SIRPA: variants seen among roughly 807,000 people sequenced by gnomAD.
SIRPA encodes tyrosine-protein phosphatase non-receptor type substrate 1.
A neutral mutation model predicts 50.3 loss-of-function variants in SIRPA; 9 were observed. The observed-to-expected ratio is 0.18, with a 90% CI of 0.11 to 0.31. The LOEUF is 0.31. Ranked by LOEUF, SIRPA falls within the 10% of genes least tolerant of loss-of-function variation. The probability of loss-of-function intolerance (pLI) is 1.00; values close to 1 mark genes in which losing one functional copy is unlikely to be tolerated. For synonymous variants in SIRPA, 265 were observed against 284.1 expected (o/e 0.93, Z 0.68); for missense variants, 474 against 661.6 (o/e 0.72, Z 3.11).
At chr20:1,913,864 C>A (rs1985053830) in intron 1 of SIRPA, among the ~76,000 whole-genome samples, 1 of 152,142 alleles carries the variant, frequency 6.6e-6, no homozygotes, top group Non-Finnish European at 1.5e-5. Flanking sequence ...CTGCCCTCTT[C>A]CTGTCTGGGC....
At chr20:1,909,852 A>G (rs1984783704) in intron 1 of SIRPA, among the ~76,000 whole-genome samples, 1 of 152,248 alleles carries the variant, frequency 6.6e-6, no homozygotes, top group South Asian at 2.1e-4. Flanking sequence ...TTTAATCTCA[A>G]AAGCCACACA....
intron 1 of SIRPA, among the ~76,000 whole-genome samples, chr20:1,896,007 T>C (rs1402504258): frequency 6.6e-6 from 1 of 152,190 alleles, no homozygotes. Context: ...CTGTTGCAAT[T>C]AGGGAAGAGT....
At position 1,939,948 on chromosome 20, in the gene SIRPA, C is replaced by G. The variant is rs6045560; in HGVS notation, c.*2380C>G. Reference sequence around the variant, plus strand: ...TTGTGAGTGCGTCCCGGGGCCGCCTCGGGGCCTGCCTGCCCTCCTGCCAAA... The same window carrying G: ...TTGTGAGTGCGTCCCGGGGCCGCCTGGGGGCCTGCCTGCCCTCCTGCCAAA... On this transcript the variant is annotated 3_prime_UTR_variant, in exon 8 of 8. Transcript: ENST00000358771. The surrounding 1 kb of genome is among the most constrained non-coding windows in gnomAD (Gnocchi z 4.7). 1.3e-5 allele frequency: 2 copies of G among 152,606 alleles called. No homozygotes were observed. The highest frequency in any genetic ancestry group is 3.9e-4 in the East Asian group (2 of 5,180). 9.5% of individuals were successfully genotyped at this position (152,606 alleles called of 1,614,324 possible).
intron 1 of SIRPA, among the ~76,000 whole-genome samples, chr20:1,904,701 T>C (rs1341532256): frequency 6.6e-6 from 1 of 152,188 alleles, no homozygotes; most frequent in Non-Finnish European, 1.5e-5. Context: ...GCTCCATCTT[T>C]TGCCAGCGGG....
intron 3 of SIRPA, 127 bp downstream of exon 3, chr20:1,921,839 C>G: frequency 1.3e-6 from 1 of 789,152 alleles, no homozygotes; most frequent in South Asian, 1.7e-5. Flanking sequence ...TCCTAACTGC[C>G]CACCTCCCAT....
chr20:1,922,373 C>T lies in SIRPA; in HGVS notation c.815C>T (p.Thr272Ile), dbSNP rs1985713633. ...PVRAENQVNVTCQVRKFYPQR... is the reference protein window; with the variant it reads ...PVRAENQVNVICQVRKFYPQR... Reference sequence around the variant, plus strand: ...AGGGCAGAGAACCAGGTGAATGTCACCTGCCAGGTGAGGAAGTTCTACCCC... The same window carrying T: ...AGGGCAGAGAACCAGGTGAATGTCATCTGCCAGGTGAGGAAGTTCTACCCC... The change falls in exon 4 of 8, where the codon ACC (threonine) becomes ATC (isoleucine). Residue 272 changes from threonine to isoleucine, a missense_variant. By Grantham distance (89) the Thr-to-Ile change is moderately conservative. Transcript: ENST00000358771. 7 of 1,614,114 alleles carry T rather than the reference C, an allele frequency of 4.3e-6. No individual in the cohort carries two copies. Among genetic ancestry groups the T allele is most frequent in the East Asian group, 2.2e-5 (1 of 44,894 alleles).
chr20:1,925,681 A>G (rs1218078911), intron 5 of SIRPA, among the ~76,000 whole-genome samples: 1 of 152,206 alleles, frequency 6.6e-6, no homozygotes, highest in Non-Finnish European at 1.5e-5. Context: ...TTTGGCCTCT[A>G]CAAGCCTCAG....
intron 1 of SIRPA, among the ~76,000 whole-genome samples, chr20:1,904,622 C>T (rs150669206): frequency 6.6e-6 from 1 of 152,132 alleles, no homozygotes; most frequent in African/African-American, 2.4e-5. Context: ...TGGGCAGCGT[C>T]GATGCTTATT....
Position 1,921,452 on chromosome 20 carries a change from C to T in SIRPA, c.494C>T (p.Thr165Ile). The T allele has an allele frequency of 6.2e-7, 1 of 1,613,886 alleles. No individual in the cohort carries two copies. Among genetic ancestry groups the T allele is most frequent in the South Asian group, 1.1e-5 (1 of 91,070 alleles). Residue 165 changes from threonine to isoleucine, a missense_variant, in exon 3 of 8, where the codon ACA becomes ATA. Physicochemically the swap from Thr to Ile is moderately conservative, Grantham distance 89. Transcript: ENST00000358771. ...GPAARATPQH[T>I]VSFTCESHGF... ...GCGGCGAGGGCCACACCTCAGCACA[C>T]AGTGAGCTTCACCTGCGAGTCCCAC...
In SIRPA at chr20:1,898,829, C is replaced by G. The variant is rs963829746; in HGVS notation, c.79+3303C>G. Among the ~76,000 whole-genome samples, 1 of 152,052 alleles carries G rather than the reference C, an allele frequency of 6.6e-6. No individual in the cohort carries two copies. The highest frequency in any genetic ancestry group is 2.4e-5 in the African/African-American group (1 of 41,406). Reference sequence around the variant, plus strand: ...CTGAGGGTGGAAATACTGACAGCCCCTTGGTCCTCACCAGTAACAACACAT... The same window carrying G: ...CTGAGGGTGGAAATACTGACAGCCCGTTGGTCCTCACCAGTAACAACACAT... On this transcript the variant is annotated intron_variant, in intron 1 of 7. Transcript: ENST00000358771. The surrounding 1 kb of genome is among the most constrained non-coding windows in gnomAD (Gnocchi z 4.3).
chr20:1,927,136 C>T lies in SIRPA; in HGVS notation c.1202-739C>T, dbSNP rs1016229484. Among the ~76,000 whole-genome samples, 2 of 152,266 alleles carry T rather than the reference C, an allele frequency of 1.3e-5. No individual in the cohort carries two copies. Among genetic ancestry groups the T allele is most frequent in the Non-Finnish European group, 2.9e-5 (2 of 68,044 alleles). On this transcript the variant is annotated intron_variant, in intron 5 of 7. Coordinates refer to ENST00000358771, the MANE Select transcript of SIRPA (RefSeq NM_001040023.2). This position sits in a 1 kb window ranked among gnomAD's most constrained non-coding sequence, Gnocchi z 6.5. Reference sequence around the variant, plus strand: ...AAGCGTTAACCCAGCAGCAAGAATTCTTGCACTGTGGCAGCCTCCAGCCTA... The same window carrying T: ...AAGCGTTAACCCAGCAGCAAGAATTTTTGCACTGTGGCAGCCTCCAGCCTA...
intron 1 of SIRPA, among the ~76,000 whole-genome samples, chr20:1,913,411 G>A (rs1985023287): frequency 6.6e-6 from 1 of 152,204 alleles, no homozygotes; most frequent in African/African-American, 2.4e-5. Context: ...GTGGGGTGGT[G>A]CCAGGCCATG....
At position 1,937,556 on chromosome 20, in the gene SIRPA, C is replaced by T. The variant is rs1273596953; in HGVS notation, c.1503C>T (p.Val501=). The part of the protein sequence containing the change: ...PSFSEYASVQ[V]PRK Reference sequence around the variant, plus strand: ...TCTCAGAGTACGCCAGCGTCCAGGTCCCGAGGAAGTGAATGGGACCGTGGT... The same window carrying T: ...TCTCAGAGTACGCCAGCGTCCAGGTTCCGAGGAAGTGAATGGGACCGTGGT... Residue 501 remains valine (V), a synonymous_variant, in exon 8 of 8, where the codon GTC becomes GTT. Coordinates refer to ENST00000358771, the MANE Select transcript of SIRPA (RefSeq NM_001040023.2). The surrounding 1 kb of genome is among the most constrained non-coding windows in gnomAD (Gnocchi z 8.3). The T allele has an allele frequency of 1.2e-6, 2 of 1,613,970 alleles. No homozygotes were observed. Among genetic ancestry groups the T allele is most frequent in the African/African-American group, 2.7e-5 (2 of 74,912 alleles).
At chr20:1,920,252 A>T (rs1023306637) in intron 2 of SIRPA, among the ~76,000 whole-genome samples, 1 of 152,208 alleles carries the variant, frequency 6.6e-6, no homozygotes, top group Non-Finnish European at 1.5e-5. Flanking sequence ...CCCTGTGGGG[A>T]CATCCAGGCC....
chr20:1,920,131 C>A (rs567742284), intron 2 of SIRPA, among the ~76,000 whole-genome samples: 4 of 152,312 alleles, frequency 2.6e-5, no homozygotes, highest in African/African-American at 9.6e-5. Flanking sequence ...ACACGAGGAT[C>A]CCCTCACAGA....
chr20:1,895,766 C>G (rs547472341), intron 1 of SIRPA, among the ~76,000 whole-genome samples: 3 of 152,234 alleles, frequency 2.0e-5, no homozygotes, highest in African/African-American at 7.2e-5. Flanking sequence ...GACTCTGACT[C>G]TGTGCACTGT....
intron 2 of SIRPA, among the ~76,000 whole-genome samples, chr20:1,919,006 T>G (rs1038660666): frequency 1.3e-5 from 2 of 152,040 alleles, no homozygotes; most frequent in African/African-American, 4.8e-5. Flanking sequence ...AGACCAGGAG[T>G]TGGGACCGAA....
rs1217166986 is a variant in SIRPA, at chr20:1,898,251, C to T, written c.79+2725C>T. On this transcript the variant is annotated intron_variant, in intron 1 of 7. Transcript: ENST00000358771. The surrounding 1 kb of genome is among the most constrained non-coding windows in gnomAD (Gnocchi z 4.3). ...GTAAAGTTAATCTCACTTCCTCTTTCGTAAGAAGAGAAAACGGGGCGGGAG... is the reference window on the plus strand; with the variant it reads ...GTAAAGTTAATCTCACTTCCTCTTTTGTAAGAAGAGAAAACGGGGCGGGAG... Among the ~76,000 whole-genome samples, 1 of 152,202 alleles carries T rather than the reference C, an allele frequency of 6.6e-6. No homozygotes were observed. The highest frequency in any genetic ancestry group is 1.9e-4 in the East Asian group (1 of 5,192).
rs111544259 is a variant in SIRPA, at chr20:1,933,508, G to T, written c.1227-1207G>T. On this transcript the variant is annotated intron_variant, in intron 6 of 7. Transcript: ENST00000358771. The surrounding 1 kb of genome is among the most constrained non-coding windows in gnomAD (Gnocchi z 4.4). ...GACCACGTGGGACTCTGAGCAGGGCGATGAGTTGGACTTGAACCAGCCAGC... is the reference window on the plus strand; with the variant it reads ...GACCACGTGGGACTCTGAGCAGGGCTATGAGTTGGACTTGAACCAGCCAGC... 6.6e-6 allele frequency among the ~76,000 whole-genome samples: 1 copy of T among 152,088 alleles called. No individual in the cohort carries two copies. The highest frequency in any genetic ancestry group is 2.4e-5 in the African/African-American group (1 of 41,394).
Sources: gnomAD v4.1 joint callset for allele counts (sites outside exome capture counted in the v4.1 genomes callset) on GRCh38, gnomAD v4.1.1 for gene constraint, Gnocchi (gnomAD v3.1) non-coding constraint, MANE v1.5 for transcripts, NCBI Gene and HGNC (gene_info 2026-07-23, HGNC 2026-07-21) for gene names.